The following KCNH8 variants were observed in gnomAD, a reference collection of about 807,000 sequenced individuals.
KCNH8 encodes the protein voltage-gated delayed rectifier potassium channel KCNH8.
In KCNH8, 70 loss-of-function variants were observed where a neutral mutation model predicts 103.6. The observed-to-expected ratio is 0.68, with a 90% confidence interval of 0.56 to 0.82. KCNH8 has a LOEUF of 0.82. KCNH8 is among the 40% of genes least tolerant of loss of function. KCNH8 has a pLI of 0.00. For synonymous variants in KCNH8, 498 were observed against 489.4 expected (o/e 1.02, Z -0.23); for missense variants, 1,217 against 1,329.9 (o/e 0.92, Z 1.32).
At chr3:19,239,125 C>G (rs954688288) in intron 1 of KCNH8, among the ~76,000 whole-genome samples, 3 of 152,090 alleles carry the variant, frequency 2.0e-5, no homozygotes, top group Non-Finnish European at 2.9e-5. Context: ...TACAAGAGAA[C>G]CCAAGTATCA....
chr3:19,498,835 C>T (rs141138550), intron 11 of KCNH8, among the ~76,000 whole-genome samples: 2 of 151,972 alleles, frequency 1.3e-5, no homozygotes, highest in African/African-American at 4.8e-5. Context: ...CTGGAGTACC[C>T]GGCCGTATGA....
intron 2 of KCNH8, among the ~76,000 whole-genome samples, chr3:19,258,947 C>CTCTCTATA (rs1321918245): frequency 1.0e-3 from 25 of 24,800 alleles, no homozygotes; most frequent in African/African-American, 1.5e-3. Flanking sequence ...CTCTCTCTCT[C>CTCTCTATA]TATATATATA....
chr3:19,330,041 C>A (rs1351651044), intron 3 of KCNH8, among the ~76,000 whole-genome samples: 2 of 151,550 alleles, frequency 1.3e-5, no homozygotes, highest in African/African-American at 4.9e-5. Context: ...AATTCTTTAG[C>A]CTATTATGCA....
At chr3:19,512,914 A>G in intron 12 of KCNH8, 56 bp from the exon 13 acceptor site, 2 of 1,485,832 alleles carry the variant, frequency 1.3e-6, no homozygotes, top group African/African-American at 1.4e-5. Flanking sequence ...CATTAATGAT[A>G]TACCTTTTCT....
chr3:19,407,952 C>G (rs1559313454), intron 7 of KCNH8, among the ~76,000 whole-genome samples: 1 of 152,218 alleles, frequency 6.6e-6, no homozygotes, highest in East Asian at 2.0e-4. Context: ...GGTGCTTGTG[C>G]CTGCCATCAG....
At chr3:19,311,227 A>G (rs9876442) in intron 3 of KCNH8, among the ~76,000 whole-genome samples, 2 of 151,816 alleles carry the variant, frequency 1.3e-5, no homozygotes, top group African/African-American at 4.8e-5. Context: ...ACCATGAGTC[A>G]GGCACTATTC....
In KCNH8 at chr3:19,300,059, G is replaced by A. The variant is rs1029648508; in HGVS notation, c.442+18730G>A. 2.0e-5 allele frequency among the ~76,000 whole-genome samples: 3 copies of A among 152,056 alleles called. No homozygotes were observed. In the South Asian group the frequency reaches 6.2e-4, roughly 32 times the overall value. ...AGGTTAGGGGTTCGAGACCAGCCTGGCCAACATGGCGAAACCCCATCTCTA... is the reference window on the plus strand; with the variant it reads ...AGGTTAGGGGTTCGAGACCAGCCTGACCAACATGGCGAAACCCCATCTCTA... On this transcript the variant is annotated intron_variant, in intron 3 of 15. Coordinates refer to ENST00000328405, the MANE Select transcript of KCNH8 (RefSeq NM_144633.3).
chr3:19,318,738 C>T (rs2065310771), intron 3 of KCNH8, among the ~76,000 whole-genome samples: 1 of 150,622 alleles, frequency 6.6e-6, no homozygotes, highest in Admixed American at 6.6e-5. Context: ...CACTGTTTTC[C>T]ATAGTGGTTG....
At chr3:19,150,799 C>T (rs181712298) in intron 1 of KCNH8, among the ~76,000 whole-genome samples, 87 of 152,244 alleles carry the variant, frequency 5.7e-4, no homozygotes, top group African/African-American at 1.9e-3. Flanking sequence ...CTTTTGGAGA[C>T]CATGCTTGGT....
At chr3:19,202,173 G>T (rs1164229324) in intron 1 of KCNH8, among the ~76,000 whole-genome samples, 1 of 152,110 alleles carries the variant, frequency 6.6e-6, no homozygotes, top group East Asian at 1.9e-4. Context: ...CATATGTCCT[G>T]TTTTGCTTAG....
chr3:19,520,320 A>G (rs188734530), intron 15 of KCNH8, among the ~76,000 whole-genome samples: 21 of 152,058 alleles, frequency 1.4e-4, no homozygotes, highest in Non-Finnish European at 2.7e-4. Flanking sequence ...ATTCTTTCCC[A>G]AAGAATTAGG....
At chr3:19,511,701 C>T (rs1237189838) in intron 12 of KCNH8, among the ~76,000 whole-genome samples, 1 of 151,974 alleles carries the variant, frequency 6.6e-6, no homozygotes, top group Admixed American at 6.6e-5. Context: ...AGTATGCCCT[C>T]GTCATTAATT....
rs1295102868 is a variant in KCNH8, at chr3:19,371,824, A to C, written c.812-18657A>C. The stretch of plus-strand genomic sequence containing the variant: ...GGAAGGGATCCAGTTTCAGCTTTCT[A>C]CATATGGCTAGCCAGTTTTCCCAGC... On this transcript the variant is annotated intron_variant, in intron 5 of 15. Transcript: ENST00000328405. Among the ~76,000 whole-genome samples the C allele has an allele frequency of 8.3e-4, 125 of 151,250 alleles. 1 individual carries two copies. Among genetic ancestry groups the C allele is most frequent in the African/African-American group, 2.2e-3 (92 of 40,988 alleles).
At chr3:19,158,244 A>T (rs370325394) in intron 1 of KCNH8, among the ~76,000 whole-genome samples, 1 of 151,572 alleles carries the variant, frequency 6.6e-6, no homozygotes, top group East Asian at 1.9e-4. Flanking sequence ...TTAGTTTGAA[A>T]TGTCTAGTTT....
chr3:19,498,646 G>A (rs977806385), intron 11 of KCNH8, among the ~76,000 whole-genome samples: 2 of 152,204 alleles, frequency 1.3e-5, no homozygotes, highest in African/African-American at 4.8e-5. Context: ...TTTGGAGGAC[G>A]AGAGGTGCTC....
chr3:19,241,910 G>A (rs1361275322), intron 1 of KCNH8, among the ~76,000 whole-genome samples: 2 of 152,142 alleles, frequency 1.3e-5, no homozygotes, highest in Non-Finnish European at 2.9e-5. Flanking sequence ...AATAGGCCAT[G>A]ATGATAGAGA....
At chr3:19,182,007 AAC>A (rs777409932) in intron 1 of KCNH8, among the ~76,000 whole-genome samples, 75 of 152,210 alleles carry the variant, frequency 4.9e-4, no homozygotes, top group Admixed American at 2.6e-4. Context: ...GGGTATCTAT[AAC>A]ACAGGAAAAG....
At chr3:19,379,723 A>C (rs955061424) in intron 5 of KCNH8, among the ~76,000 whole-genome samples, 1 of 152,214 alleles carries the variant, frequency 6.6e-6, no homozygotes, top group African/African-American at 2.4e-5. Context: ...TGCTAGTGAC[A>C]GCCAAATATC....
chr3:19,509,719 T>C (rs1014575121), intron 11 of KCNH8, among the ~76,000 whole-genome samples: 1 of 152,184 alleles, frequency 6.6e-6, no homozygotes, highest in Admixed American at 6.5e-5. Context: ...TCTTTTTTTG[T>C]GATCAGTGGA....
Sources: gnomAD v4.1 joint callset for allele counts (sites outside exome capture counted in the v4.1 genomes callset) on GRCh38, gnomAD v4.1.1 for gene constraint, MANE v1.5 for transcripts, NCBI Gene and HGNC (gene_info 2026-07-23, HGNC 2026-07-21) for gene names.